Variants in OXSR1 observed in about 807,000 individuals in gnomAD.
OXSR1 encodes oxidative stress responsive kinase 1.
In OXSR1, 24 loss-of-function variants were observed where a neutral mutation model predicts 79.8. The observed-to-expected ratio is 0.30, with a 90% CI of 0.22 to 0.42. The LOEUF (loss-of-function observed/expected upper bound fraction) is 0.42, where lower values mean the gene tolerates loss of function less well. Among genes scored for constraint, OXSR1 ranks in the 10% least tolerant of loss-of-function variants. The probability of loss-of-function intolerance (pLI) is 1.00; values close to 1 mark genes in which losing one functional copy is unlikely to be tolerated. For missense variants in OXSR1, 430 were observed against 618.4 expected (o/e 0.70, Z 3.23); for synonymous variants, 226 against 209.2 (o/e 1.08, Z -0.69).
At chr3:38,207,198 A>G (rs1407876794) in intron 4 of OXSR1, among the ~76,000 whole-genome samples, 1 of 152,254 alleles carries the variant, frequency 6.6e-6, no homozygotes, top group Non-Finnish European at 1.5e-5. Flanking sequence ...GCATGGTTGC[A>G]TCTTTTACAG....
intron 13 of OXSR1, 63 bp downstream of exon 13, chr3:38,246,284 C>A: frequency 6.7e-7 from 1 of 1,496,730 alleles, no homozygotes; most frequent in Non-Finnish European, 9.3e-7. Context: ...CAGATATTAA[C>A]GTGGAATATA....
At chr3:38,211,820 A>C (rs1191903881) in intron 4 of OXSR1, among the ~76,000 whole-genome samples, 1 of 151,900 alleles carries the variant, frequency 6.6e-6, no homozygotes, top group African/African-American at 2.4e-5. Context: ...TTTTTTCCTT[A>C]CTTTGCATCT....
chr3:38,245,250 C>T (rs1422727418), intron 12 of OXSR1, among the ~76,000 whole-genome samples: 1 of 152,040 alleles, frequency 6.6e-6, no homozygotes, highest in Non-Finnish European at 1.5e-5. Context: ...GCTATTGCAT[C>T]GTTTTTTCTC....
At chr3:38,230,153 A>G (rs1702774991) in intron 9 of OXSR1, among the ~76,000 whole-genome samples, 1 of 152,188 alleles carries the variant, frequency 6.6e-6, no homozygotes, top group South Asian at 2.1e-4. Context: ...AGTGGTTCAT[A>G]CAGTGTACTA....
intron 2 of OXSR1, among the ~76,000 whole-genome samples, chr3:38,188,078 A>G (rs1350460315): frequency 6.6e-6 from 1 of 152,244 alleles, no homozygotes; most frequent in African/African-American, 2.4e-5. Context: ...CAAGAAAAAG[A>G]ATATTTAAGC....
intron 2 of OXSR1, among the ~76,000 whole-genome samples, chr3:38,185,599 G>T (rs1370044178): frequency 6.6e-6 from 1 of 151,364 alleles, no homozygotes; most frequent in Non-Finnish European, 1.5e-5. Context: ...AAACAAACAA[G>T]AAACGGCACA....
At chr3:38,199,016 A>G (rs539365699) in intron 4 of OXSR1, among the ~76,000 whole-genome samples, 153 bp downstream of exon 4, 7 of 152,372 alleles carry the variant, frequency 4.6e-5, no homozygotes, top group East Asian at 1.9e-4. Flanking sequence ...GCTAGTAAAC[A>G]TTAAACAAGT....
At chr3:38,214,394 G>T (rs990818218) in intron 4 of OXSR1, among the ~76,000 whole-genome samples, 1 of 152,056 alleles carries the variant, frequency 6.6e-6, no homozygotes, top group Non-Finnish European at 1.5e-5. Context: ...GTGAAATAAG[G>T]AAGGGAGACA....
chr3:38,236,570 C>G (rs999875734), intron 10 of OXSR1: 5 of 221,214 alleles, frequency 2.3e-5, no homozygotes, highest in Middle Eastern at 1.4e-3. Flanking sequence ...CATTTAAAAT[C>G]AGATTTTACC....
chr3:38,248,338 G>GCCCCCCC (rs34969862), intron 14 of OXSR1, among the ~76,000 whole-genome samples: 19 of 69,592 alleles, frequency 2.7e-4, no homozygotes, highest in African/African-American at 6.5e-4. Context: ...TCCCTGCCCC[G>GCCCCCCC]CCCCCCCCGC....
At chr3:38,245,691 G>T (rs1703125398) in intron 12 of OXSR1, among the ~76,000 whole-genome samples, 1 of 152,122 alleles carries the variant, frequency 6.6e-6, no homozygotes, top group South Asian at 2.1e-4. Context: ...TAGAAATTAG[G>T]ATCAGTTGTT....
intron 1 of OXSR1, among the ~76,000 whole-genome samples, chr3:38,181,828 ATTT>A (rs369042373): frequency 3.5e-5 from 5 of 141,412 alleles, no homozygotes; most frequent in African/African-American, 7.7e-5. Flanking sequence ...ATGACATGTC[ATTT>A]TTTTTTTTTT....
intron 1 of OXSR1, among the ~76,000 whole-genome samples, chr3:38,180,525 CTTTTTTTTTTTT>C (rs35081111): frequency 9.2e-6 from 1 of 108,962 alleles, no homozygotes; most frequent in Non-Finnish European, 1.8e-5. Context: ...ATAGCTCCAA[CTTTTTTTTTTTT>C]TTTTTTTTTT....
intron 15 of OXSR1, among the ~76,000 whole-genome samples, chr3:38,251,011 A>G (rs1039577814): frequency 3.3e-5 from 5 of 152,218 alleles, no homozygotes; most frequent in Non-Finnish European, 7.3e-5. Context: ...TAAAAAAGTA[A>G]ATGATTTTAG....
In OXSR1 at chr3:38,253,182, G is replaced by T; in HGVS notation, c.*291G>T. On this transcript the variant is annotated 3_prime_UTR_variant, in exon 18 of 18. Transcript: ENST00000311806. ...CATGTGCTTCAAGGCCCAGGAGGGA[G>T]ATCTGTCAGCTCATTCTTGCCTTAC... The T allele has an allele frequency of 2.6e-6, 1 of 377,534 alleles. No individual in the cohort carries two copies. The highest frequency in any genetic ancestry group is 4.8e-6 in the Non-Finnish European group (1 of 206,360). 23.4% of individuals were successfully genotyped at this position (377,534 alleles called of 1,614,324 possible).
Position 38,254,844 on chromosome 3 carries a change from C to T in OXSR1, c.*1953C>T, listed in dbSNP as rs967916254. The T allele has an allele frequency of 2.0e-5, 3 of 152,418 alleles. No individual in the cohort carries two copies. Among genetic ancestry groups the T allele is most frequent in the Non-Finnish European group, 4.4e-5 (3 of 68,020 alleles). 9.4% of individuals were successfully genotyped at this position (152,418 alleles called of 1,614,324 possible). ...TAGCTGGGAGTGAGCAGCAGCCCAT[C>T]CCCTGTTCACTTTCTCTAGCCCATC... On this transcript the variant is annotated 3_prime_UTR_variant, in exon 18 of 18. Transcript: ENST00000311806.
intron 11 of OXSR1, among the ~76,000 whole-genome samples, chr3:38,240,648 A>G (rs952784770): frequency 6.6e-6 from 1 of 151,786 alleles, no homozygotes; most frequent in Non-Finnish European, 1.5e-5. Context: ...GGCAGGGAAA[A>G]TATAAGGGGA....
chr3:38,206,585 T>C (rs1702267591), intron 4 of OXSR1, among the ~76,000 whole-genome samples: 2 of 151,834 alleles, frequency 1.3e-5, no homozygotes, highest in African/African-American at 2.4e-5. Context: ...ATAGAAACTC[T>C]AGATATGTAA....
At position 38,165,896 on chromosome 3, in the gene OXSR1, C is replaced by T. The variant is rs545168129; in HGVS notation, c.20C>T (p.Ala7Val). The T allele has an allele frequency of 6.2e-7, 1 of 1,611,546 alleles. No individual in the cohort carries two copies. The highest frequency in any genetic ancestry group is 1.3e-5 in the African/African-American group (1 of 74,952). ...GCCGTCATGTCCGAGGACTCGAGCG[C>T]CCTGCCCTGGTCCATCAACAGGGAC... is the stretch of plus-strand genomic sequence containing the variant. The part of the protein sequence containing the change: MSEDSS[A>V]LPWSINRDDY... The change falls in exon 1 of 18, where the codon GCC becomes GTC. Residue 7 changes from alanine to valine, a missense_variant. Physicochemically the swap from Ala to Val is moderately conservative, Grantham distance 64. Around this residue, in one of 3 missense-constraint regions of OXSR1, gnomAD observed 145 missense variants for 228.3 expected, o/e 0.64. Coordinates refer to ENST00000311806, the MANE Select transcript of OXSR1 (RefSeq NM_005109.3).
Sources: gnomAD v4.1 joint callset for allele counts (sites outside exome capture counted in the v4.1 genomes callset) on GRCh38, gnomAD v4.1.1 for gene constraint, gnomAD v4.1.1 regional missense constraint, MANE v1.5 for transcripts, NCBI Gene and HGNC (gene_info 2026-07-23, HGNC 2026-07-21) for gene names.